Variants in PNPLA8 observed in about 807,000 individuals in gnomAD.
The protein encoded by PNPLA8 is calcium-independent phospholipase A2-gamma.
PNPLA8 carries 39 observed loss-of-function variants against 76.9 expected under a neutral mutation model. The observed-to-expected ratio is 0.51, with a 90% CI of 0.39 to 0.66. The LOEUF (loss-of-function observed/expected upper bound fraction) is 0.66. Ranked by LOEUF, PNPLA8 falls within the 30% of genes least tolerant of loss-of-function variation. The probability of loss-of-function intolerance (pLI) is 0.00; values close to 1 mark genes in which losing one functional copy is unlikely to be tolerated. For synonymous variants in PNPLA8, 301 were observed against 307.9 expected, an observed-to-expected ratio of 0.98 and a Z score of 0.24; for missense variants, 887 against 918.0, an observed-to-expected ratio of 0.97 and a Z score of 0.44.
intron 4 of PNPLA8, chr7:108,510,344 C>G (rs1278438223): frequency 8.8e-6 from 14 of 1,582,194 alleles, no homozygotes; most frequent in Non-Finnish European, 1.1e-5. Flanking sequence ...GAAGTTTGCC[C>G]AAAAGATGCT....
chr7:108,475,325 C>T (rs1859910655), intron 10 of PNPLA8, among the ~76,000 whole-genome samples: 1 of 152,138 alleles, frequency 6.6e-6, no homozygotes, highest in South Asian at 2.1e-4. Context: ...TCCCTCCCCT[C>T]CCCGCCCCCA....
At chr7:108,510,187 A>G (rs565223912) in intron 4 of PNPLA8, 14 of 899,652 alleles carry the variant, frequency 1.6e-5, no homozygotes, top group African/African-American at 1.2e-4. Flanking sequence ...TAAAAAAAAA[A>G]AAAAAGAAAG....
intron 1 of PNPLA8, 149 bp from the exon 2 acceptor site, chr7:108,521,670 C>T (rs972559459): frequency 2.0e-5 from 3 of 152,164 alleles, no homozygotes; most frequent in African/African-American, 7.3e-5. Context: ...TTAGTGGAAA[C>T]CTGAATGAAG....
chr7:108,500,004 ACTTTG>A (rs1354700748), intron 5 of PNPLA8, among the ~76,000 whole-genome samples: 1 of 151,730 alleles, frequency 6.6e-6, no homozygotes, highest in Non-Finnish European at 1.5e-5. Flanking sequence ...CTATCCCTTT[ACTTTG>A]CTTTATTTTT....
upstream of PNPLA8, chr7:108,528,051 C>G (rs754571673): frequency 6.6e-6 from 1 of 152,244 alleles, no homozygotes; most frequent in Admixed American, 6.5e-5. Context: ...TTGTCTACCA[C>G]CATACCTTTA....
At chr7:108,505,321 TA>T (rs1563967354) in intron 4 of PNPLA8, among the ~76,000 whole-genome samples, 3 of 3,686 alleles carry the variant, frequency 8.1e-4, no homozygotes, top group Non-Finnish European at 1.5e-3. Flanking sequence ...TATATATATA[TA>T]TATATATATA....
chr7:108,515,799 G>A (rs578066225), intron 2 of PNPLA8, among the ~76,000 whole-genome samples: 1 of 152,286 alleles, frequency 6.6e-6, no homozygotes, highest in African/African-American at 2.4e-5. Flanking sequence ...AATGTTTAGG[G>A]AGAAGAACTA....
intron 4 of PNPLA8, among the ~76,000 whole-genome samples, chr7:108,505,180 A>C (rs1271170175): frequency 6.7e-6 from 1 of 150,008 alleles, no homozygotes; most frequent in Non-Finnish European, 1.5e-5. Context: ...CAACTGGATA[A>C]GTGTATTTTT....
chr7:108,495,717 A>C (rs909285942), intron 7 of PNPLA8, among the ~76,000 whole-genome samples: 11 of 152,190 alleles, frequency 7.2e-5, no homozygotes, highest in Non-Finnish European at 1.5e-4. Flanking sequence ...TCATAATCCC[A>C]AAAAATTAGG....
chr7:108,499,255 G>C (rs961602552), intron 5 of PNPLA8, among the ~76,000 whole-genome samples: 1 of 152,038 alleles, frequency 6.6e-6, no homozygotes, highest in Non-Finnish European at 1.5e-5. Context: ...TGGTTTTGGG[G>C]TTTTTTTCTC....
chr7:108,510,254 A>T lies in PNPLA8; in HGVS notation c.1206+3890T>A, dbSNP rs1021038762. The T allele has an allele frequency of 5.2e-6, 8 of 1,538,870 alleles. No homozygotes were observed. In the African/African-American group the frequency reaches 1.1e-4, roughly 21 times the overall value. On this transcript the variant is annotated intron_variant, in intron 4 of 10. Transcript: ENST00000257694. ...AACCATGGTGGGTGTAGAAGAGAAG[A>T]AGAAGGTTCCTGCTGTGCCAGAAAC...
chr7:108,491,714 G>T (rs1445593809), intron 7 of PNPLA8, among the ~76,000 whole-genome samples: 2 of 152,176 alleles, frequency 1.3e-5, no homozygotes, highest in Non-Finnish European at 2.9e-5. Context: ...ACGAACAGAG[G>T]GGCAGTAACT....
chr7:108,519,068 T>TA lies in PNPLA8; in HGVS notation c.-84+2407dup, dbSNP rs11363031. ...AAGTGAGATAAAATCGAGGGAAGTT[T>TA]AAAAAAAAAAAAAAGAGGTTAAAAA... On this transcript the variant is annotated intron_variant, in intron 2 of 10. Transcript: ENST00000257694. Among the ~76,000 whole-genome samples the TA allele has an allele frequency of 4.2e-4, 58 of 137,732 alleles. No individual in the cohort carries two copies. In the East Asian group the frequency reaches 4.6e-3, roughly 11 times the overall value. The allele number at this position is 137,732 out of a possible 152,430, so 90.4% of individuals were successfully genotyped here.
intron 7 of PNPLA8, among the ~76,000 whole-genome samples, chr7:108,492,348 T>C (rs553463701): frequency 3.9e-5 from 6 of 152,336 alleles, no homozygotes; most frequent in Admixed American, 3.3e-4. Flanking sequence ...CCCAACCTGA[T>C]CTATACATTT....
intron 4 of PNPLA8, among the ~76,000 whole-genome samples, chr7:108,504,990 C>T (rs867877027): frequency 6.6e-6 from 1 of 151,902 alleles, no homozygotes; most frequent in African/African-American, 2.4e-5. Flanking sequence ...GCAGGAGAAT[C>T]ATTTTAACCT....
At chr7:108,519,746 C>T (rs1220185238) in intron 2 of PNPLA8, among the ~76,000 whole-genome samples, 2 of 151,714 alleles carry the variant, frequency 1.3e-5, no homozygotes, top group African/African-American at 2.4e-5. Context: ...CTAGAAGAGA[C>T]TTTTTCCCTA....
At chr7:108,527,871 T>G (rs1342934194), upstream of PNPLA8, 1 of 152,254 alleles carries the variant, frequency 6.6e-6, no homozygotes, top group African/African-American at 2.4e-5. Context: ...CAGAGGAGCC[T>G]AACTAAAGTA....
chr7:108,501,362 A>G (rs1249139745), intron 5 of PNPLA8, among the ~76,000 whole-genome samples: 3 of 152,228 alleles, frequency 2.0e-5, no homozygotes. Context: ...AGAGCTTAAT[A>G]GTGAAATTAT....
intron 10 of PNPLA8, among the ~76,000 whole-genome samples, chr7:108,475,507 T>G (rs1859925407): frequency 1.3e-5 from 2 of 152,138 alleles, no homozygotes; most frequent in African/African-American, 2.4e-5. Context: ...TACATATCAA[T>G]TTGTGATGTG....
Sources: gnomAD v4.1 joint callset for allele counts (sites outside exome capture counted in the v4.1 genomes callset) on GRCh38, gnomAD v4.1.1 for gene constraint, MANE v1.5 for transcripts, NCBI Gene and HGNC (gene_info 2026-07-23, HGNC 2026-07-21) for gene names.